The following DIP2C variants were observed in gnomAD, a reference collection of about 807,000 sequenced individuals.
The protein encoded by DIP2C is DIP2 acetate--CoA ligase C (putative).
In DIP2C, 33 loss-of-function variants were observed where a neutral mutation model predicts 192.4. That is an observed-to-expected ratio of 0.17 (90% confidence interval 0.13 to 0.23). The LOEUF (loss-of-function observed/expected upper bound fraction) is 0.23, where lower values mean the gene tolerates loss of function less well. Among genes scored for constraint, DIP2C ranks in the 10% least tolerant of loss-of-function variants. The pLI is 1.00. For missense variants in DIP2C, 1,537 were observed against 2,110.1 expected, an observed-to-expected ratio of 0.73 and a Z score of 5.32; for synonymous variants, 979 against 864.1, an observed-to-expected ratio of 1.13 and a Z score of -2.33.
At chr10:479,054 G>T (rs1053643469) in intron 2 of DIP2C, among the ~76,000 whole-genome samples, 1 of 152,160 alleles carries the variant, frequency 6.6e-6, no homozygotes, top group Non-Finnish European at 1.5e-5. Context: ...AACTGCCGGG[G>T]ATTTTTCTGT....
rs148490974 is a variant in DIP2C at position 670,896 on chromosome 10, G to T, written c.85+18598C>A. Among the ~76,000 whole-genome samples, 361 of 152,270 alleles carry T rather than the reference G, an allele frequency of 2.4e-3. 3 individuals carry two copies. The highest frequency in any genetic ancestry group is 8.3e-3 in the African/African-American group (345 of 41,548). ...CCAGGTGGAAAAGTATATCATTCAG[G>T]GTATATGAAGTAAACATGTAGAGAG... On this transcript the variant is annotated intron_variant, in intron 1 of 36. Transcript: ENST00000280886.
At chr10:374,288 T>TA in intron 17 of DIP2C, among the ~76,000 whole-genome samples, 1 of 152,336 alleles carries the variant, frequency 6.6e-6, no homozygotes, top group Admixed American at 6.5e-5. Flanking sequence ...CACATATACT[T>TA]AAATTTTTAA....
At chr10:359,771 C>CA (rs1357986633) in intron 22 of DIP2C, among the ~76,000 whole-genome samples, 3 of 152,148 alleles carry the variant, frequency 2.0e-5, no homozygotes, top group Non-Finnish European at 2.9e-5. Flanking sequence ...ATAGAAGCGT[C>CA]TTCTGAATGA....
intron 1 of DIP2C, among the ~76,000 whole-genome samples, chr10:603,232 G>A (rs774839386): frequency 6.7e-6 from 1 of 149,068 alleles, no homozygotes; most frequent in Non-Finnish European, 1.5e-5. Context: ...CAGGGGGGCG[G>A]GGGTTGCAGT....
At chr10:325,134 GA>G (rs1564557672) in intron 31 of DIP2C, 3 of 348,898 alleles carry the variant, frequency 8.6e-6, no homozygotes, top group Non-Finnish European at 1.7e-5. Context: ...GCTTGGTGGC[GA>G]GCACCTGTAG....
chr10:595,775 T>TG (rs571456407), intron 1 of DIP2C, among the ~76,000 whole-genome samples: 217 of 152,228 alleles, frequency 1.4e-3, no homozygotes, highest in Middle Eastern at 3.4e-3. Context: ...AGGGTTTGGT[T>TG]GGGAAAAAAA....
intron 32 of DIP2C, among the ~76,000 whole-genome samples, chr10:302,079 G>T (rs3125034): frequency 6.6e-6 from 1 of 151,988 alleles, no homozygotes; most frequent in Non-Finnish European, 1.5e-5. Flanking sequence ...AAGACAGCCA[G>T]AGCAGAAATA....
intron 1 of DIP2C, among the ~76,000 whole-genome samples, chr10:513,845 C>T (rs1196191216): frequency 6.6e-6 from 1 of 152,152 alleles, no homozygotes; most frequent in Non-Finnish European, 1.5e-5. Flanking sequence ...AAAGTTTATA[C>T]AAAAAGACAT....
intron 3 of DIP2C, among the ~76,000 whole-genome samples, chr10:457,930 T>C (rs185594647): frequency 1.3e-5 from 2 of 152,332 alleles, no homozygotes; most frequent in African/African-American, 4.8e-5. Flanking sequence ...CTCCCACAGC[T>C]GCGGCCCCAG....
At chr10:424,315 G>A (rs12247843) in intron 4 of DIP2C, among the ~76,000 whole-genome samples, 123 of 146,372 alleles carry the variant, frequency 8.4e-4, no homozygotes, top group African/African-American at 3.0e-3. Flanking sequence ...TGTTAGAAAA[G>A]CAACAATGTT....
intron 1 of DIP2C, among the ~76,000 whole-genome samples, chr10:554,125 T>C (rs184980229): frequency 1.3e-3 from 197 of 152,192 alleles, no homozygotes; most frequent in South Asian, 2.3e-3. Flanking sequence ...GCAGGAAATA[T>C]ACATCTTAGG....
At chr10:310,552 A>AG (rs1266664320) in intron 31 of DIP2C, among the ~76,000 whole-genome samples, 2 of 152,196 alleles carry the variant, frequency 1.3e-5, no homozygotes, top group Non-Finnish European at 2.9e-5. Context: ...GGAAGAGGTG[A>AG]GGGGAGCATC....
chr10:422,901 G>C lies in DIP2C; in HGVS notation c.527C>G (p.Thr176Ser). Reference sequence around the variant, plus strand: ...CCCGCTCTGCGTAGAGGACGAGGAGGTGGTGGACGTGGTGGAGCCGTGGAT... The same window carrying C: ...CCCGCTCTGCGTAGAGGACGAGGAGCTGGTGGACGTGGTGGAGCCGTGGAT... ...QAIHGSTTST[T>S]SSSSTQSGGS... The change falls in exon 5 of 37, where the codon ACC (threonine) becomes AGC (serine). Residue 176 changes from threonine (T) to serine (S), a missense_variant. Coordinates refer to ENST00000280886, the MANE Select transcript of DIP2C (RefSeq NM_014974.3). 6.2e-7 allele frequency: 1 copy of C among 1,613,972 alleles called. No homozygotes were observed. Among genetic ancestry groups the C allele is most frequent in the Middle Eastern group, 1.7e-4 (1 of 5,816 alleles).
intron 1 of DIP2C, among the ~76,000 whole-genome samples, chr10:576,343 G>A (rs769884062): frequency 6.6e-6 from 1 of 152,158 alleles, no homozygotes; most frequent in African/African-American, 2.4e-5. Context: ...TTACTCATAC[G>A]TGTGTTGAAA....
At chr10:398,072 T>C (rs895349668) in intron 10 of DIP2C, among the ~76,000 whole-genome samples, 1 of 152,242 alleles carries the variant, frequency 6.6e-6, no homozygotes, top group African/African-American at 2.4e-5. Flanking sequence ...CCTCAAAATA[T>C]ATTTCTTTGA....
chr10:323,444 G>A lies in DIP2C; in HGVS notation c.3924+3562C>T, dbSNP rs541443722. On this transcript the variant is annotated intron_variant, in intron 31 of 36. Transcript: ENST00000280886. The stretch of plus-strand genomic sequence containing the variant: ...GTTAGAACAGTCAGTCGGGGGTGCG[G>A]GGCTCCAGCGAGAGACCAGCGTTGT... Among the ~76,000 whole-genome samples the A allele has an allele frequency of 4.9e-4, 26 of 53,388 alleles. 1 individual carries two copies. Among genetic ancestry groups the A allele is most frequent in the Non-Finnish European group, 1.2e-3 (20 of 16,080 alleles). 35.0% of individuals were successfully genotyped at this position (53,388 alleles called of 152,430 possible).
intron 23 of DIP2C, among the ~76,000 whole-genome samples, chr10:356,792 G>T (rs1052301338): frequency 6.6e-6 from 1 of 152,226 alleles, no homozygotes; most frequent in African/African-American, 2.4e-5. Context: ...CCTGGTGTGA[G>T]AAGTTTTCTG....
chr10:681,621 A>G (rs1022138625), intron 1 of DIP2C, among the ~76,000 whole-genome samples: 3 of 151,096 alleles, frequency 2.0e-5, no homozygotes, highest in Non-Finnish European at 3.0e-5. Context: ...GCCACCATCT[A>G]TGGCCACGGA....
intron 3 of DIP2C, among the ~76,000 whole-genome samples, chr10:469,040 G>C (rs1237179639): frequency 6.6e-6 from 1 of 151,792 alleles, no homozygotes; most frequent in East Asian, 1.9e-4. Flanking sequence ...TGTCACCCTG[G>C]GTGCAGAATT....
Sources: gnomAD v4.1 joint callset for allele counts (sites outside exome capture counted in the v4.1 genomes callset) on GRCh38, gnomAD v4.1.1 for gene constraint, MANE v1.5 for transcripts, NCBI Gene and HGNC (gene_info 2026-07-23, HGNC 2026-07-21) for gene names.